The following DEPDC5 variants were observed in gnomAD, a reference collection of about 807,000 sequenced individuals.
DEPDC5 encodes the protein GATOR1 complex protein DEPDC5.
DEPDC5 carries 73 observed loss-of-function variants against 217.3 expected under a neutral mutation model. That is an observed-to-expected ratio of 0.34 (90% CI 0.28 to 0.41). The LOEUF (loss-of-function observed/expected upper bound fraction) is 0.41. Among genes scored for constraint, DEPDC5 ranks in the 10% least tolerant of loss-of-function variants. The pLI, the probability that DEPDC5 is intolerant of heterozygous loss-of-function variation, is 1.00. For synonymous variants in DEPDC5, 733 were observed against 756.7 expected, an observed-to-expected ratio of 0.97 and a Z score of 0.51; for missense variants, 1,675 against 2,070.1, an observed-to-expected ratio of 0.81 and a Z score of 3.70.
At chr22:31,867,111 C>G (rs950885644) in intron 33 of DEPDC5, among the ~76,000 whole-genome samples, 4 of 152,192 alleles carry the variant, frequency 2.6e-5, no homozygotes, top group Non-Finnish European at 5.9e-5. Flanking sequence ...AAAGGCATCT[C>G]CCTTTACTTG....
chr22:31,865,471 G>A (rs923665222), intron 33 of DEPDC5, among the ~76,000 whole-genome samples: 3 of 152,008 alleles, frequency 2.0e-5, no homozygotes, highest in Admixed American at 6.6e-5. Context: ...ACTCCAGCCC[G>A]GGCGACAGAG....
chr22:31,815,743 C>A, intron 21 of DEPDC5: 2 of 1,005,986 alleles, frequency 2.0e-6, no homozygotes, highest in Non-Finnish European at 2.7e-6. Context: ...CATTCCCAGG[C>A]TGGTCTTGAA....
chr22:31,871,709 G>A (rs1479932839), intron 34 of DEPDC5, among the ~76,000 whole-genome samples: 1 of 152,224 alleles, frequency 6.6e-6, no homozygotes, highest in Non-Finnish European at 1.5e-5. Flanking sequence ...TCTGCTTTCA[G>A]AAGAAATGAG....
At chr22:31,771,715 T>TCTCA (rs1556538892) in intron 7 of DEPDC5, among the ~76,000 whole-genome samples, 3 of 78,050 alleles carry the variant, frequency 3.8e-5, no homozygotes, top group Admixed American at 1.5e-4. Context: ...CAAGACTCCG[T>TCTCA]CACACACACA....
intron 4 of DEPDC5, 80 bp downstream of exon 4, chr22:31,760,782 G>C: frequency 8.6e-7 from 1 of 1,163,768 alleles, no homozygotes; most frequent in East Asian, 2.4e-5. Context: ...ATAATTTCAA[G>C]GGATGAGGGC....
chr22:31,832,360 G>A (rs2090667170), intron 24 of DEPDC5, among the ~76,000 whole-genome samples: 1 of 152,170 alleles, frequency 6.6e-6, no homozygotes, highest in African/African-American at 2.4e-5. Context: ...GTGCCATTTT[G>A]CATTGTTATC....
chr22:31,834,236 C>T, intron 25 of DEPDC5: 1 of 489,860 alleles, frequency 2.0e-6, no homozygotes, highest in African/African-American at 1.9e-5. Flanking sequence ...CCTATAAGGC[C>T]CCCATGCTGG....
chr22:31,870,511 T>C (rs1018064494), intron 33 of DEPDC5, 79 bp from the exon 34 acceptor site: 42 of 1,375,224 alleles, frequency 3.1e-5, no homozygotes, highest in Non-Finnish European at 3.7e-5. Context: ...ACTGAGTGAA[T>C]AAGCCAGTAC....
intron 16 of DEPDC5, 72 bp from the exon 17 acceptor site, chr22:31,804,766 AAAAC>A: frequency 6.7e-7 from 1 of 1,486,656 alleles, no homozygotes; most frequent in Non-Finnish European, 9.2e-7. Context: ...AAAAACCTGA[AAAAC>A]AGAAAAGTTA....
At chr22:31,866,402 T>C (rs959999032) in intron 33 of DEPDC5, among the ~76,000 whole-genome samples, 2 of 152,154 alleles carry the variant, frequency 1.3e-5, no homozygotes, top group African/African-American at 4.8e-5. Context: ...TTTTCTTTCT[T>C]TTTTGAGACA....
intron 41 of DEPDC5, among the ~76,000 whole-genome samples, 196 bp from the exon 42 acceptor site, chr22:31,905,788 T>C (rs2093747171): frequency 6.6e-6 from 1 of 151,384 alleles, no homozygotes; most frequent in African/African-American, 2.4e-5. Flanking sequence ...TGGTAAGCCA[T>C]GGTGTTGGAA....
chr22:31,788,820 C>A (rs1214385502), intron 10 of DEPDC5, among the ~76,000 whole-genome samples: 1 of 152,048 alleles, frequency 6.6e-6, no homozygotes, highest in African/African-American at 2.4e-5. Flanking sequence ...AGGTGATCCG[C>A]CCGCCTTGGC....
At chr22:31,846,686 CACTT>C in intron 30 of DEPDC5, 144 bp from the exon 31 acceptor site, 1 of 1,116,278 alleles carries the variant, frequency 9.0e-7, no homozygotes, top group South Asian at 1.6e-5. Flanking sequence ...GGTTTTCTGT[CACTT>C]ACTGAACACT....
At chr22:31,767,418 C>A (rs1236529978) in intron 6 of DEPDC5, among the ~76,000 whole-genome samples, 4 of 152,252 alleles carry the variant, frequency 2.6e-5, no homozygotes, top group African/African-American at 9.6e-5. Context: ...GCCTCAGCCT[C>A]CGCAGTAGCT....
At chr22:31,772,969 A>G (rs7287752) in intron 7 of DEPDC5, among the ~76,000 whole-genome samples, 5,104 of 151,754 alleles carry the variant, frequency 0.034, 105 homozygotes, top group South Asian at 0.064. Context: ...TTTAGTAGAC[A>G]CGGGGTCTTG....
intron 17 of DEPDC5, 128 bp from the exon 18 acceptor site, chr22:31,805,994 G>T: frequency 1.4e-6 from 1 of 725,316 alleles, no homozygotes; most frequent in Non-Finnish European, 2.3e-6. Flanking sequence ...GTTAAAATTG[G>T]GAAGATTAGT....
intron 15 of DEPDC5, 96 bp downstream of exon 15, chr22:31,802,934 C>G (rs1436829779): frequency 2.8e-6 from 4 of 1,415,996 alleles, no homozygotes; most frequent in Non-Finnish European, 3.7e-6. Context: ...GTGTGAGGAG[C>G]TCTACATAGT....
rs1186084668 is a variant in DEPDC5, at chr22:31,874,370, A to T, written c.3661A>T (p.Ile1221Phe). The T allele has an allele frequency of 1.2e-6, 2 of 1,612,676 alleles. No individual in the cohort carries two copies. Among genetic ancestry groups the T allele is most frequent in the Non-Finnish European group, 1.7e-6 (2 of 1,179,502 alleles). ...VHWLVNHVEG[I>F]QTQAMAIDIM... Reference sequence around the variant, plus strand: ...CTGGTTGGTGAACCACGTGGAGGGGATCCAGACACAGGCGATGGCCATTGA... The same window carrying T: ...CTGGTTGGTGAACCACGTGGAGGGGTTCCAGACACAGGCGATGGCCATTGA... The change falls in exon 36 of 43, where the codon ATC becomes TTC. Residue 1221 changes from isoleucine to phenylalanine, a missense_variant. Transcript: ENST00000651528.
At chr22:31,788,976 A>C (rs922111332) in intron 10 of DEPDC5, among the ~76,000 whole-genome samples, 2 of 152,126 alleles carry the variant, frequency 1.3e-5, no homozygotes, top group African/African-American at 4.8e-5. Context: ...GGCTCACTGC[A>C]ACTTCCACCT....
Sources: allele counts gnomAD v4.1 joint callset (sites outside exome capture counted in the v4.1 genomes callset), GRCh38; gene constraint gnomAD v4.1.1; transcripts MANE v1.5; gene names NCBI Gene and HGNC (gene_info 2026-07-23, HGNC 2026-07-21).